Variants in CLEC2D observed in about 807,000 individuals in gnomAD.
CLEC2D encodes the protein C-type lectin related f.
In CLEC2D, 16 loss-of-function variants were observed where a neutral mutation model predicts 20.0. The observed-to-expected ratio is 0.80, with a 90% CI of 0.54 to 1.22. The LOEUF is 1.22. CLEC2D is among the 50% of genes most tolerant of loss of function. The pLI, the probability that CLEC2D is intolerant of heterozygous loss-of-function variation, is 0.00. For synonymous variants in CLEC2D, 77 were observed against 71.1 expected, an observed-to-expected ratio of 1.08 and a Z score of -0.42; for missense variants, 207 against 221.5, an observed-to-expected ratio of 0.93 and a Z score of 0.42.
At position 9,677,554 on chromosome 12, in the gene CLEC2D, G is replaced by A. The variant is rs940700817; in HGVS notation, c.62-3369G>A. On this transcript the variant is annotated intron_variant, in intron 1 of 4. Transcript: ENST00000290855. ...GGCCCAGAAGGTGGTCTATTATGGT[G>A]ATTATTCCATGTAATCTTGAGAGTG... is the stretch of plus-strand genomic sequence containing the variant. Among the ~76,000 whole-genome samples the A allele has an allele frequency of 6.0e-4, 92 of 152,164 alleles. 1 individual carries two copies. The highest frequency in any genetic ancestry group is 2.0e-3 in the African/African-American group (84 of 41,520).
rs1256745274 is a variant in CLEC2D at position 9,696,237 on chromosome 12, T to C, written c.*1363T>C. Reference sequence around the variant, plus strand: ...AGTGGAGGAAGTCTCTTTAAGAAAATAGTTTAAACAATTTGTTAAAAATTT... The same window carrying C: ...AGTGGAGGAAGTCTCTTTAAGAAAACAGTTTAAACAATTTGTTAAAAATTT... On this transcript the variant is annotated 3_prime_UTR_variant, in exon 5 of 5. Coordinates refer to ENST00000290855, the MANE Select transcript of CLEC2D (RefSeq NM_013269.6). 6.2e-6 allele frequency: 5 copies of C among 811,932 alleles called. No individual in the cohort carries two copies. Among genetic ancestry groups the C allele is most frequent in the Non-Finnish European group, 1.1e-5 (5 of 468,076 alleles). The allele number at this position is 811,932 out of a possible 1,614,324, so 50.3% of individuals were successfully genotyped here.
intron 1 of CLEC2D, 88 bp downstream of exon 1, chr12:9,669,883 C>G (rs1699630353): frequency 9.3e-7 from 1 of 1,074,362 alleles, no homozygotes; most frequent in Non-Finnish European, 1.4e-6. Context: ...AGGTGCTGAT[C>G]TAGTAAAAAG....
At chr12:9,686,745 C>T (rs1865756505) in intron 2 of CLEC2D, among the ~76,000 whole-genome samples, 1 of 152,110 alleles carries the variant, frequency 6.6e-6, no homozygotes, top group Non-Finnish European at 1.5e-5. Flanking sequence ...TCATTCATCT[C>T]GATCCCACAT....
At chr12:9,684,171 CTG>C (rs1463223695) in intron 2 of CLEC2D, among the ~76,000 whole-genome samples, 9 of 152,222 alleles carry the variant, frequency 5.9e-5, no homozygotes, top group Admixed American at 2.0e-4. Context: ...ATTTGGCTCT[CTG>C]TTTGTCTGTT....
At chr12:9,688,897 G>C (rs1865809613) in intron 3 of CLEC2D, among the ~76,000 whole-genome samples, 1 of 152,190 alleles carries the variant, frequency 6.6e-6, no homozygotes, top group Admixed American at 6.5e-5. Context: ...CAAGGGAAGA[G>C]TTTGATAAAG....
At chr12:9,685,018 TTTGG>T (rs1865720731) in intron 2 of CLEC2D, among the ~76,000 whole-genome samples, 1 of 152,134 alleles carries the variant, frequency 6.6e-6, no homozygotes. Flanking sequence ...ATGGGCTTGT[TTTGG>T]TTGGGTAGGC....
At chr12:9,682,217 A>G (rs1341969392) in intron 2 of CLEC2D, among the ~76,000 whole-genome samples, 1 of 151,966 alleles carries the variant, frequency 6.6e-6, no homozygotes, top group Non-Finnish European at 1.5e-5. Flanking sequence ...GTTATTATGT[A>G]TTACTTTATA....
intron 3 of CLEC2D, 103 bp downstream of exon 3, chr12:9,688,189 GATTTTTT>G: frequency 1.2e-6 from 1 of 825,552 alleles, no homozygotes; most frequent in Non-Finnish European, 1.5e-6. Flanking sequence ...CTTTTACATT[GATTTTTT>G]TTTTTTTTTT....
intron 3 of CLEC2D, among the ~76,000 whole-genome samples, chr12:9,689,171 G>C (rs1865814287): frequency 6.6e-6 from 1 of 152,180 alleles, no homozygotes; most frequent in South Asian, 2.1e-4. Flanking sequence ...GCTTCCCAAG[G>C]ATTTAAATAA....
Position 9,699,212 on chromosome 12 carries a change from G to A in CLEC2D, c.*4338G>A, listed in dbSNP as rs10772046. 2 of 151,294 alleles carry A rather than the reference G, an allele frequency of 1.3e-5. No individual in the cohort carries two copies. The highest frequency in any genetic ancestry group is 4.9e-5 in the African/African-American group (2 of 41,132). The allele number at this position is 151,294 out of a possible 1,614,324, so 9.4% of individuals were successfully genotyped here. ...ATCACCATCTATACCCCATTGCTTGGTGGGGTGATCACTCTGATTCTCTGC... is the reference window on the plus strand; with the variant it reads ...ATCACCATCTATACCCCATTGCTTGATGGGGTGATCACTCTGATTCTCTGC... On this transcript the variant is annotated 3_prime_UTR_variant, in exon 5 of 5. Transcript: ENST00000290855.
chr12:9,683,500 T>C (rs1330056172), intron 2 of CLEC2D, among the ~76,000 whole-genome samples: 1 of 152,186 alleles, frequency 6.6e-6, no homozygotes, highest in Non-Finnish European at 1.5e-5. Flanking sequence ...GTTTTTATGG[T>C]TTTAGGTCTT....
intron 1 of CLEC2D, among the ~76,000 whole-genome samples, chr12:9,679,560 C>G (rs1391589536): frequency 6.6e-6 from 1 of 152,080 alleles, no homozygotes; most frequent in Non-Finnish European, 1.5e-5. Context: ...ATCTTTGTTT[C>G]TCTACATGTA....
chr12:9,682,658 G>C (rs1218154300), intron 2 of CLEC2D, among the ~76,000 whole-genome samples: 1 of 152,072 alleles, frequency 6.6e-6, no homozygotes, highest in East Asian at 1.9e-4. Flanking sequence ...TGAGAATGAT[G>C]GTTTCCAGTT....
chr12:9,685,509 T>A (rs1165224765), intron 2 of CLEC2D, among the ~76,000 whole-genome samples: 1 of 152,230 alleles, frequency 6.6e-6, no homozygotes, highest in Non-Finnish European at 1.5e-5. Flanking sequence ...TGACTGGGGC[T>A]GCTGCCTTTC....
chr12:9,697,928 C>G lies in CLEC2D; in HGVS notation c.*3054C>G, dbSNP rs1044889857. 3.3e-5 allele frequency: 5 copies of G among 151,848 alleles called. No homozygotes were observed. The highest frequency in any genetic ancestry group is 2.6e-4 in the Admixed American group (4 of 15,246). 9.4% of individuals were successfully genotyped at this position (151,848 alleles called of 1,614,324 possible). A position where few individuals can be genotyped will look rare whatever the true frequency, so the allele number is the denominator to read the frequency against. ...ATTTTAGATATTCTTACCACACAGA[C>G]AAAAAGAAATGTAAGTATGTGAGAT... is the stretch of plus-strand genomic sequence containing the variant. On this transcript the variant is annotated 3_prime_UTR_variant, in exon 5 of 5. Transcript: ENST00000290855.
At chr12:9,691,010 A>G (rs1173047606) in intron 3 of CLEC2D, among the ~76,000 whole-genome samples, 2 of 152,126 alleles carry the variant, frequency 1.3e-5, no homozygotes, top group East Asian at 1.9e-4. Flanking sequence ...ACTCATCTAC[A>G]TGCTGTCTAT....
intron 1 of CLEC2D, 92 bp downstream of exon 1, chr12:9,669,887 T>C: frequency 1.0e-6 from 1 of 982,268 alleles, no homozygotes; most frequent in Non-Finnish European, 1.6e-6. Flanking sequence ...GCTGATCTAG[T>C]AAAAAGTTTT....
At chr12:9,693,107 C>G (rs116932414) in intron 4 of CLEC2D, 176 bp downstream of exon 4, 42,866 of 1,611,876 alleles carry the variant, frequency 0.027, 720 homozygotes, top group Non-Finnish European at 0.032. Flanking sequence ...GAATCCAAGA[C>G]CTGTCATGGT....
intron 1 of CLEC2D, among the ~76,000 whole-genome samples, chr12:9,676,600 T>A (rs939398542): frequency 3.3e-5 from 5 of 152,202 alleles, no homozygotes; most frequent in African/African-American, 7.2e-5. Flanking sequence ...GTTTTGCATC[T>A]ATGTTCATGA....
Sources: gnomAD v4.1 joint callset for allele counts (sites outside exome capture counted in the v4.1 genomes callset) on GRCh38, gnomAD v4.1.1 for gene constraint, MANE v1.5 for transcripts, NCBI Gene and HGNC (gene_info 2026-07-23, HGNC 2026-07-21) for gene names.